The following FAM90A20 variants were observed in gnomAD, a reference collection of about 807,000 sequenced individuals.
The protein encoded by FAM90A20 is family with sequence similarity 90 member A20.
the FAM90A20 span, chr8:7,297,479 C>A: frequency 2.6e-6 from 4 of 1,541,096 alleles, 1 homozygote; most frequent in African/African-American, 2.0e-5. Flanking sequence ...AGGCTCCAAT[C>A]TCAGCTTTGG....
At chr8:7,297,141 C>G in the FAM90A20 span, 1 of 1,526,852 alleles carries the variant, frequency 6.5e-7, no homozygotes, top group East Asian at 2.2e-5. Context: ...CGCTCAGCTA[C>G]CGAAATGTCT....
At chr8:7,297,099 A>T in the FAM90A20 span, 1 of 1,504,830 alleles carries the variant, frequency 6.6e-7, no homozygotes, top group South Asian at 1.1e-5. Flanking sequence ...ACAACCTGTA[A>T]GAGGCCGCGC....
chr8:7,297,470 G>A, the FAM90A20 span: 1 of 1,545,054 alleles, frequency 6.5e-7, no homozygotes, highest in African/African-American at 2.0e-5. Flanking sequence ...CTTGGGCCTA[G>A]GCTCCAATCT....
chr8:7,296,423 C>T, the FAM90A20 span: 2 of 728,794 alleles, frequency 2.7e-6, no homozygotes, highest in South Asian at 2.8e-5. Context: ...GGCCCCTGGT[C>T]CTTTTATCCT....
the FAM90A20 span, chr8:7,297,470 G>C: frequency 5.1e-5 from 79 of 1,545,054 alleles, 9 homozygotes; most frequent in Non-Finnish European, 6.8e-5. Flanking sequence ...CTTGGGCCTA[G>C]GCTCCAATCT....
chr8:7,297,213 C>G, the FAM90A20 span: 17 of 1,529,530 alleles, frequency 1.1e-5, 3 homozygotes, highest in African/African-American at 4.0e-5. Context: ...AGCTCCTCCT[C>G]AAGTCTTGGA....
chr8:7,295,491 C>G, the FAM90A20 span: 1 of 514,054 alleles, frequency 1.9e-6, no homozygotes, highest in Non-Finnish European at 3.3e-6. Context: ...ACTCTCCCAG[C>G]ACTTAACGGC....
the FAM90A20 span, among the ~76,000 whole-genome samples, chr8:7,296,906 C>A: frequency 7.3e-6 from 1 of 137,152 alleles, no homozygotes; most frequent in Non-Finnish European, 1.5e-5. Context: ...TCCTGATCAG[C>A]ACTCAGGTGG....
the FAM90A20 span, chr8:7,297,844 C>T: frequency 2.4e-5 from 22 of 919,630 alleles, 1 homozygote; most frequent in South Asian, 1.7e-4. Flanking sequence ...GACGCTGGAG[C>T]TCCAGCCTCC....
the FAM90A20 span, chr8:7,297,962 G>T: frequency 1.5e-6 from 1 of 677,584 alleles, no homozygotes; most frequent in East Asian, 2.7e-5. Context: ...CCCACCGAGC[G>T]TCCTCTATGA....
At chr8:7,295,729 G>C in the FAM90A20 span, 1 of 1,049,912 alleles carries the variant, frequency 9.5e-7, no homozygotes, top group Non-Finnish European at 1.4e-6. Flanking sequence ...CGACCTTGGG[G>C]AAAAAGGAAG....
the FAM90A20 span, chr8:7,297,478 TCTCAGCTTTGGGTCA>T: frequency 6.5e-7 from 1 of 1,541,122 alleles, no homozygotes; most frequent in Non-Finnish European, 8.8e-7. Context: ...TAGGCTCCAA[TCTCAGCTTTGGGTCA>T]GGAGCCAAGA....
the FAM90A20 span, chr8:7,296,539 G>T: frequency 1.6e-6 from 1 of 615,530 alleles, no homozygotes; most frequent in South Asian, 1.6e-5. Context: ...GATCCTTGCA[G>T]GTCAGTTTGA....
the FAM90A20 span, chr8:7,296,346 G>T: frequency 2.6e-4 from 194 of 744,520 alleles, 23 homozygotes; most frequent in Middle Eastern, 2.2e-3. Context: ...AACCTCCAGA[G>T]AAGCCGCTGC....
chr8:7,297,903 C>A, the FAM90A20 span: 5 of 734,266 alleles, frequency 6.8e-6, no homozygotes, highest in Non-Finnish European at 1.1e-5. Context: ...GCCTTCCTCG[C>A]TCAGAGCCCT....
the FAM90A20 span, among the ~76,000 whole-genome samples, chr8:7,296,850 T>C: frequency 0.025 from 3,461 of 136,710 alleles, 428 homozygotes; most frequent in Non-Finnish European, 0.039. Context: ...ATGGTGTGCT[T>C]AGATCAGCTA....
chr8:7,297,299 C>A, the FAM90A20 span: 3 of 1,359,458 alleles, frequency 2.2e-6, 1 homozygote, highest in African/African-American at 4.3e-5. Flanking sequence ...CGAGACTCTC[C>A]TCGTGGTGGA....
chr8:7,297,738 T>A, the FAM90A20 span: 4 of 1,491,884 alleles, frequency 2.7e-6, no homozygotes, highest in Admixed American at 5.1e-5. Context: ...AGACCTTGCC[T>A]GCCTACTGCC....
the FAM90A20 span, chr8:7,295,860 T>C: frequency 1.5e-6 from 1 of 688,402 alleles, no homozygotes; most frequent in South Asian, 1.5e-5. Flanking sequence ...TTCACCACTC[T>C]TAGGGTACTG....
Sources: allele counts gnomAD v4.1 joint callset (sites outside exome capture counted in the v4.1 genomes callset), GRCh38; gene constraint gnomAD v4.1.1; transcripts MANE v1.5; gene names NCBI Gene and HGNC (gene_info 2026-07-23, HGNC 2026-07-21).